GBE1: variants seen among roughly 807,000 people sequenced by gnomAD.
GBE1 encodes 1,4-alpha-glucan-branching enzyme.
In GBE1, 70 loss-of-function variants were observed where a neutral mutation model predicts 88.8. The observed-to-expected ratio is 0.79, with a 90% CI of 0.65 to 0.96. The LOEUF is 0.96. Among genes scored for constraint, GBE1 ranks in the 40% least tolerant of loss-of-function variants. GBE1 has a pLI of 0.00. For missense variants in GBE1, 872 were observed against 871.0 expected, an observed-to-expected ratio of 1.00 and a Z score of -0.01; for synonymous variants, 284 against 300.1, an observed-to-expected ratio of 0.95 and a Z score of 0.56.
rs184184525 is a variant in GBE1, at chr3:81,518,142, C to G, written c.1934+17053G>C. 4.6e-5 allele frequency among the ~76,000 whole-genome samples: 7 copies of G among 151,516 alleles called. No homozygotes were observed. In the Admixed American group the frequency reaches 4.6e-4, roughly 10 times the overall value. On this transcript the variant is annotated intron_variant, in intron 14 of 15. Coordinates refer to ENST00000429644, the MANE Select transcript of GBE1 (RefSeq NM_000158.4). ...CTATTACTAGGTGATTATGCACTGT[C>G]TTCTTTAAAGGTTATGACAATATTT... is the stretch of plus-strand genomic sequence containing the variant.
chr3:81,747,955 T>A (rs1253527021), intron 1 of GBE1, among the ~76,000 whole-genome samples: 1 of 152,170 alleles, frequency 6.6e-6, no homozygotes, highest in Non-Finnish European at 1.5e-5. Context: ...CAAAGCCTGT[T>A]TGGTGGTCTC....
intron 15 of GBE1, among the ~76,000 whole-genome samples, chr3:81,495,959 A>G (rs1425398472): frequency 1.3e-5 from 2 of 152,192 alleles, no homozygotes; most frequent in Non-Finnish European, 2.9e-5. Flanking sequence ...TTTCAGCATC[A>G]TCATTCAGTT....
At chr3:81,638,509 A>C (rs1316435098) in intron 7 of GBE1, among the ~76,000 whole-genome samples, 1 of 152,162 alleles carries the variant, frequency 6.6e-6, no homozygotes, top group Non-Finnish European at 1.5e-5. Context: ...CAGAATTTAA[A>C]ACTGGGACCA....
intron 12 of GBE1, among the ~76,000 whole-genome samples, chr3:81,573,775 CTGTGTG>C (rs61048893): frequency 1.5e-3 from 224 of 148,898 alleles, no homozygotes; most frequent in African/African-American, 5.4e-3. Context: ...CTCTCTCTCT[CTGTGTG>C]TGTGTGTGTG....
intron 2 of GBE1, among the ~76,000 whole-genome samples, chr3:81,702,470 T>G (rs1003306745): frequency 2.0e-5 from 3 of 151,986 alleles, no homozygotes; most frequent in Admixed American, 1.3e-4. Flanking sequence ...ATTAGACATT[T>G]AAGTTTCCCA....
chr3:81,579,154 T>C (rs1703687650), intron 11 of GBE1, among the ~76,000 whole-genome samples: 3 of 152,032 alleles, frequency 2.0e-5, no homozygotes, highest in Admixed American at 2.0e-4. Flanking sequence ...TAAAATCCTG[T>C]TGAGATACTG....
intron 2 of GBE1, among the ~76,000 whole-genome samples, chr3:81,672,466 A>C (rs1473971873): frequency 6.6e-6 from 1 of 152,044 alleles, no homozygotes; most frequent in African/African-American, 2.4e-5. Flanking sequence ...CAACATATGC[A>C]AATATCCCAC....
chr3:81,638,535 T>C (rs1393698778), intron 7 of GBE1, among the ~76,000 whole-genome samples: 2 of 152,146 alleles, frequency 1.3e-5, no homozygotes, highest in East Asian at 3.8e-4. Flanking sequence ...TTATATTCAT[T>C]ATTACTAATT....
intron 14 of GBE1, among the ~76,000 whole-genome samples, chr3:81,530,635 C>T (rs900259540): frequency 3.3e-5 from 5 of 151,924 alleles, no homozygotes; most frequent in Non-Finnish European, 5.9e-5. Flanking sequence ...CAGGCAGAAT[C>T]TCTTGTTCTC....
At chr3:81,621,619 G>T (rs533213340) in intron 7 of GBE1, among the ~76,000 whole-genome samples, 9 of 152,068 alleles carry the variant, frequency 5.9e-5, no homozygotes, top group African/African-American at 2.2e-4. Flanking sequence ...ATCCTTCTTC[G>T]GCTGTCCTGT....
intron 12 of GBE1, among the ~76,000 whole-genome samples, chr3:81,542,046 G>A (rs1423079720): frequency 6.6e-6 from 1 of 151,664 alleles, no homozygotes; most frequent in Non-Finnish European, 1.5e-5. Flanking sequence ...ATTTATTTTT[G>A]TCTATATCCA....
chr3:81,571,789 AAAG>A (rs760192542), intron 12 of GBE1, among the ~76,000 whole-genome samples: 10 of 152,360 alleles, frequency 6.6e-5, no homozygotes, highest in Admixed American at 2.0e-4. Context: ...TTATGAAACT[AAAG>A]AAGAAGTCAA....
intron 14 of GBE1, among the ~76,000 whole-genome samples, chr3:81,525,887 T>C (rs139135598): frequency 0.011 from 1,690 of 152,218 alleles, 19 homozygotes; most frequent in Non-Finnish European, 0.018. Context: ...ATCCCCTTTA[T>C]CATTTTTTAT....
intron 7 of GBE1, among the ~76,000 whole-genome samples, chr3:81,620,025 AAATT>A (rs1157691269): frequency 3.9e-5 from 6 of 152,060 alleles, no homozygotes; most frequent in Admixed American, 1.3e-4. Context: ...TATACTTTGC[AAATT>A]AATTTATTTA....
chr3:81,743,534 T>C, intron 1 of GBE1: 2 of 1,500,248 alleles, frequency 1.3e-6, no homozygotes, highest in Non-Finnish European at 1.8e-6. Flanking sequence ...AACTCAAAAA[T>C]AATGCAAGTC....
chr3:81,671,022 AC>A, intron 2 of GBE1, 69 bp from the exon 3 acceptor site: 1 of 642,632 alleles, frequency 1.6e-6, no homozygotes, highest in Non-Finnish European at 2.5e-6. Context: ...TTCAAGAAAA[AC>A]AAAATACTGC....
rs547923117 is a variant in GBE1, at chr3:81,500,423, TA to T, written c.1935-1197del. Among the ~76,000 whole-genome samples, 735 of 152,148 alleles carry T rather than the reference TA, an allele frequency of 4.8e-3. 7 individuals are homozygous for T. The highest frequency in any genetic ancestry group is 0.017 in the African/African-American group (697 of 41,522). The stretch of plus-strand genomic sequence containing the variant: ...GCAAATAATGAAATATTGTGGAATT[TA>T]AAAAAAACTATTAACATAGAAGTTT... On this transcript the variant is annotated intron_variant, in intron 14 of 15. Transcript: ENST00000429644.
intron 7 of GBE1, among the ~76,000 whole-genome samples, chr3:81,606,285 G>A (rs566468107): frequency 3.9e-5 from 6 of 152,220 alleles, no homozygotes; most frequent in Non-Finnish European, 7.4e-5. Flanking sequence ...AAAGTTCCAT[G>A]GAATCTTTTA....
intron 1 of GBE1, among the ~76,000 whole-genome samples, chr3:81,750,838 G>A (rs1480817983): frequency 2.0e-5 from 3 of 149,298 alleles, no homozygotes; most frequent in Non-Finnish European, 4.4e-5. Context: ...GTGCCACCAC[G>A]CCCGGCTAAT....
Sources: gnomAD v4.1 joint callset for allele counts (sites outside exome capture counted in the v4.1 genomes callset) on GRCh38, gnomAD v4.1.1 for gene constraint, MANE v1.5 for transcripts, NCBI Gene and HGNC (gene_info 2026-07-23, HGNC 2026-07-21) for gene names.